The following GRXCR2 variants were observed in gnomAD, a reference collection of about 807,000 sequenced individuals.
The protein encoded by GRXCR2 is glutaredoxin and cysteine rich domain containing 2.
Under a neutral mutation model 24.8 loss-of-function variants are expected in GRXCR2, and 23 were observed. That is an observed-to-expected ratio of 0.93 (90% confidence interval 0.67 to 1.32). The LOEUF (loss-of-function observed/expected upper bound fraction) is 1.32. GRXCR2 is among the 40% of genes most tolerant of loss of function. The pLI is 0.00. For missense variants in GRXCR2, 315 were observed against 303.4 expected (o/e 1.04, Z -0.28); for synonymous variants, 130 against 116.1 (o/e 1.12, Z -0.77).
At chr5:145,903,723 C>T (rs920013135) in intron 2 of GRXCR2, among the ~76,000 whole-genome samples, 13 of 152,046 alleles carry the variant, frequency 8.6e-5, no homozygotes, top group Admixed American at 1.3e-4. Context: ...AGGAAGAGAA[C>T]GATGGATACA....
chr5:145,921,855 G>T (rs1038033434), intron 2 of GRXCR2, among the ~76,000 whole-genome samples: 1 of 151,980 alleles, frequency 6.6e-6, no homozygotes, highest in African/African-American at 2.4e-5. Flanking sequence ...AAGTTTCCCA[G>T]CCATCATTTT....
At chr5:145,884,670 C>T (rs191770554) in intron 2 of GRXCR2, among the ~76,000 whole-genome samples, 13 of 152,010 alleles carry the variant, frequency 8.6e-5, no homozygotes, top group Admixed American at 2.6e-4. Flanking sequence ...GCTTATTTGA[C>T]TATTCCTCCA....
intron 2 of GRXCR2, among the ~76,000 whole-genome samples, chr5:145,891,855 C>G (rs1348538072): frequency 6.6e-6 from 1 of 152,188 alleles, no homozygotes; most frequent in African/African-American, 2.4e-5. Context: ...TCCCTGACCC[C>G]CGAGCAGCCT....
chr5:145,893,138 A>G (rs953929395), intron 2 of GRXCR2, among the ~76,000 whole-genome samples: 2 of 152,194 alleles, frequency 1.3e-5, no homozygotes, highest in Non-Finnish European at 1.5e-5. Flanking sequence ...GGAAGCACTA[A>G]ATATGGAAAG....
intron 2 of GRXCR2, among the ~76,000 whole-genome samples, chr5:145,892,193 C>A (rs1274305363): frequency 6.6e-6 from 1 of 152,116 alleles, no homozygotes; most frequent in Non-Finnish European, 1.5e-5. Context: ...AAAAACAGAG[C>A]AGAAAAACTG....
intron 2 of GRXCR2, among the ~76,000 whole-genome samples, chr5:145,862,772 A>G (rs984104833): frequency 2.6e-5 from 4 of 152,176 alleles, no homozygotes; most frequent in Admixed American, 6.5e-5. Flanking sequence ...AGATTTGACT[A>G]CTGGCTCTAA....
chr5:145,877,981 C>T (rs546561560), upstream of GRXCR2, among the ~76,000 whole-genome samples: 135 of 152,310 alleles, frequency 8.9e-4, no homozygotes, highest in African/African-American at 2.9e-3. Flanking sequence ...AACTAACAAA[C>T]AGAAAGAAAT....
At chr5:145,875,639 A>C (rs143701293), upstream of GRXCR2, among the ~76,000 whole-genome samples, 1,411 of 152,244 alleles carry the variant, frequency 9.3e-3, 21 homozygotes, top group African/African-American at 0.032. Context: ...ACAGTTGTAA[A>C]TTCCCTGTGT....
At position 145,859,736 on chromosome 5, in the gene GRXCR2, T is replaced by C. The variant is rs201508591; in HGVS notation, c.744A>G (p.Gln248=). ...NGLQPCQICN[Q] ...GTGGACATGCAAAAGCCACGGGCTA[T>C]TGATTGCAAATCTGGCAAGGCTGTA... Residue 248 remains glutamine (Q), a synonymous_variant, in exon 3 of 3, where the codon CAA becomes CAG. Coordinates refer to ENST00000377976, the MANE Select transcript of GRXCR2 (RefSeq NM_001080516.2). 4.7e-5 allele frequency: 76 copies of C among 1,613,982 alleles called. No homozygotes were observed. Among genetic ancestry groups the C allele is most frequent in the Non-Finnish European group, 5.1e-6 (6 of 1,179,980 alleles).
At chr5:145,916,838 G>A (rs537210903) in intron 2 of GRXCR2, among the ~76,000 whole-genome samples, 1 of 152,246 alleles carries the variant, frequency 6.6e-6, no homozygotes, top group South Asian at 2.1e-4. Flanking sequence ...TAGGGAACAA[G>A]CATGAATGGT....
chr5:145,915,650 C>T (rs961148670), intron 2 of GRXCR2, among the ~76,000 whole-genome samples: 4 of 151,840 alleles, frequency 2.6e-5, no homozygotes, highest in Non-Finnish European at 4.4e-5. Flanking sequence ...CTTGAAATCA[C>T]TTGAACCCAG....
intron 2 of GRXCR2, among the ~76,000 whole-genome samples, chr5:145,888,415 G>T (rs73308169): frequency 6.6e-6 from 1 of 152,104 alleles, no homozygotes; most frequent in Non-Finnish European, 1.5e-5. Flanking sequence ...AGTAGGGATC[G>T]GGCCAAGTGG....
intron 2 of GRXCR2, among the ~76,000 whole-genome samples, chr5:145,861,457 A>G (rs1433598833): frequency 1.3e-5 from 2 of 152,026 alleles, no homozygotes; most frequent in Non-Finnish European, 1.5e-5. Flanking sequence ...GCTTGTCCCC[A>G]GAAGTCAGCT....
rs867896833 is a variant in GRXCR2 at position 145,892,171 on chromosome 5, C to A, written c.-69-25443G>T. Among the ~76,000 whole-genome samples, 4 of 152,088 alleles carry A rather than the reference C, an allele frequency of 2.6e-5. No individual in the cohort carries two copies. The South Asian group carries it at 8.3e-4, about 32-fold the overall frequency. On this transcript the variant is annotated intron_variant, in intron 2 of 3. Coordinates refer to the GRXCR2 transcript ENST00000639411. ...CAAAGACCAAAGGTAGATAAAACCACAAAGATAGGGAAAAAACAGAGCAGA... is the reference window on the plus strand; with the variant it reads ...CAAAGACCAAAGGTAGATAAAACCAAAAAGATAGGGAAAAAACAGAGCAGA...
At chr5:145,881,614 T>TA (rs1426583637) in intron 2 of GRXCR2, among the ~76,000 whole-genome samples, 1 of 152,172 alleles carries the variant, frequency 6.6e-6, no homozygotes, top group Non-Finnish European at 1.5e-5. Context: ...AGGTAATTTA[T>TA]AGATTCAATG....
At chr5:145,901,107 G>C (rs1316858824) in intron 2 of GRXCR2, among the ~76,000 whole-genome samples, 1 of 149,920 alleles carries the variant, frequency 6.7e-6, no homozygotes, top group Admixed American at 6.7e-5. Context: ...AGATATTCAT[G>C]GGCATAAACA....
chr5:145,897,946 G>GC, intron 2 of GRXCR2, among the ~76,000 whole-genome samples: 1 of 151,760 alleles, frequency 6.6e-6, no homozygotes, highest in Non-Finnish European at 1.5e-5. Flanking sequence ...AAAGGTAGAG[G>GC]AAGAAAAAAC....
At chr5:145,889,198 AAG>A (rs1491152437) in intron 2 of GRXCR2, among the ~76,000 whole-genome samples, 2 of 148,632 alleles carry the variant, frequency 1.3e-5, no homozygotes, top group African/African-American at 2.5e-5. Context: ...GAAAGAAAGA[AAG>A]AAAGAAAGAA....
chr5:145,858,442 C>T (rs1359116199), downstream of GRXCR2: 1 of 151,804 alleles, frequency 6.6e-6, no homozygotes, highest in Admixed American at 6.6e-5. Context: ...CAGTTAAGGA[C>T]AGAAGCAAAG....
Sources: allele counts gnomAD v4.1 joint callset (sites outside exome capture counted in the v4.1 genomes callset), GRCh38; gene constraint gnomAD v4.1.1; transcripts MANE v1.5; gene names NCBI Gene and HGNC (gene_info 2026-07-23, HGNC 2026-07-21).